Variants in KDM2B observed in about 807,000 individuals in gnomAD.
KDM2B encodes lysine demethylase 2B.
A neutral mutation model predicts 150.0 loss-of-function variants in KDM2B; 26 were observed. The ratio of observed to expected loss-of-function variants is 0.17; its 90% CI spans 0.13 to 0.24. The LOEUF (loss-of-function observed/expected upper bound fraction) is 0.24, where lower values mean the gene tolerates loss of function less well. KDM2B is among the 10% of genes least tolerant of loss of function. The probability of loss-of-function intolerance (pLI) is 1.00; values close to 1 mark genes in which losing one functional copy is unlikely to be tolerated. For synonymous variants in KDM2B, 734 were observed against 729.5 expected (o/e 1.01, Z -0.10); for missense variants, 1,265 against 1,816.9 (o/e 0.70, Z 5.52).
chr12:121,457,355 G>A (rs138770753), intron 12 of KDM2B, among the ~76,000 whole-genome samples: 138 of 152,000 alleles, frequency 9.1e-4, no homozygotes, highest in African/African-American at 2.8e-3. Context: ...TCTGGCTCCC[G>A]GGTTCAAGCA....
intron 12 of KDM2B, among the ~76,000 whole-genome samples, chr12:121,493,161 G>C (rs1224292769): frequency 2.2e-5 from 3 of 138,546 alleles, no homozygotes; most frequent in African/African-American, 8.3e-5. Context: ...TCCCCCCTCA[G>C]CTTCTGGAGT....
Position 121,513,505 on chromosome 12 carries a change from T to G in KDM2B, c.1048-103A>C. On this transcript the variant is annotated intron_variant, in intron 9 of 22. Coordinates refer to ENST00000377071, the MANE Select transcript of KDM2B (RefSeq NM_032590.5). This position sits in a 1 kb window ranked among gnomAD's most constrained non-coding sequence, Gnocchi z 5.0. ...GGCTCCCTGCAGGTGAGGGTCACTG[T>G]CATCATCTTAGCGAGAGCATGGATG... The G allele has an allele frequency of 7.5e-7, 1 of 1,326,744 alleles. No individual in the cohort carries two copies. Among genetic ancestry groups the G allele is most frequent in the Non-Finnish European group, 1.1e-6 (1 of 941,434 alleles). 82.2% of individuals were successfully genotyped at this position (1,326,744 alleles called of 1,614,324 possible). A position where few individuals can be genotyped will look rare whatever the true frequency, so the allele number is the denominator to read the frequency against.
intron 13 of KDM2B, among the ~76,000 whole-genome samples, chr12:121,451,629 G>A (rs1877302524): frequency 6.6e-6 from 1 of 152,096 alleles, no homozygotes; most frequent in South Asian, 2.1e-4. Flanking sequence ...AAGAAAAGTT[G>A]AGCCAGGCGT....
At chr12:121,435,591 G>T (rs782512289) in intron 22 of KDM2B, among the ~76,000 whole-genome samples, 95 of 152,254 alleles carry the variant, frequency 6.2e-4, no homozygotes, top group Admixed American at 1.0e-3. Context: ...GAAGACTGGG[G>T]TTTTAGTCTC....
chr12:121,421,176 G>A, the KDM2B span, among the ~76,000 whole-genome samples: 1 of 151,882 alleles, frequency 6.6e-6, no homozygotes, highest in Non-Finnish European at 1.5e-5. Context: ...TAGCCCAGAT[G>A]TTACATAGTT....
At chr12:121,554,872 C>T (rs916632921) in intron 4 of KDM2B, among the ~76,000 whole-genome samples, 58 of 152,170 alleles carry the variant, frequency 3.8e-4, no homozygotes, top group African/African-American at 1.4e-3. Flanking sequence ...GGGATTCATG[C>T]AGCACTCAAA....
intron 12 of KDM2B, chr12:121,494,285 T>A: frequency 1.5e-5 from 5 of 337,490 alleles, no homozygotes; most frequent in South Asian, 8.4e-5. Context: ...AGCAAGGGAG[T>A]GAGGGAAGGA....
At chr12:121,488,005 A>C (rs1593920621) in intron 12 of KDM2B, among the ~76,000 whole-genome samples, 1 of 151,000 alleles carries the variant, frequency 6.6e-6, no homozygotes, top group Admixed American at 6.6e-5. Context: ...CTAGTCTCGA[A>C]CTCCTGACCT....
intron 12 of KDM2B, among the ~76,000 whole-genome samples, chr12:121,454,117 C>T (rs921478860): frequency 1.5e-4 from 23 of 152,124 alleles, no homozygotes; most frequent in Middle Eastern, 3.4e-3. Context: ...CCCACCTGCA[C>T]TGGGTTCAGG....
intron 4 of KDM2B, among the ~76,000 whole-genome samples, chr12:121,552,231 T>C (rs531565774): frequency 6.6e-6 from 1 of 152,346 alleles, no homozygotes. Context: ...GAGGAGAAGC[T>C]GAGACTTGGA....
At chr12:121,507,828 T>A (rs904883573) in intron 11 of KDM2B, among the ~76,000 whole-genome samples, 50 of 151,824 alleles carry the variant, frequency 3.3e-4, no homozygotes, top group African/African-American at 1.2e-3. Context: ...CTGGGCAATG[T>A]GGTGAGACCC....
intron 6 of KDM2B, among the ~76,000 whole-genome samples, chr12:121,542,213 G>A (rs1199912357): frequency 6.6e-6 from 1 of 152,210 alleles, no homozygotes; most frequent in Non-Finnish European, 1.5e-5. Flanking sequence ...GCTATATGTG[G>A]CAAGGAACTG....
At chr12:121,444,416 CG>C (rs1384525662) in intron 15 of KDM2B, 33 bp downstream of exon 15, 5 of 1,612,866 alleles carry the variant, frequency 3.1e-6, no homozygotes, top group East Asian at 4.5e-5. Context: ...GCCCCTCTCC[CG>C]ACTGACCCTG....
intron 12 of KDM2B, among the ~76,000 whole-genome samples, chr12:121,478,252 A>G (rs1881611231): frequency 1.3e-5 from 2 of 151,650 alleles, no homozygotes; most frequent in Admixed American, 6.6e-5. Flanking sequence ...GTCGAAGGGG[A>G]CTGGTGTACA....
chr12:121,439,555 A>T (rs1000182350), intron 22 of KDM2B, among the ~76,000 whole-genome samples: 13 of 151,480 alleles, frequency 8.6e-5, no homozygotes, highest in Admixed American at 3.3e-4. Context: ...TAATTTTTGT[A>T]TTTTTTTGTA....
intron 12 of KDM2B, among the ~76,000 whole-genome samples, chr12:121,454,934 C>T (rs1877985251): frequency 6.6e-6 from 1 of 152,118 alleles, no homozygotes; most frequent in Non-Finnish European, 1.5e-5. Flanking sequence ...TAGGGGCTTC[C>T]TAGAAACTTC....
chr12:121,564,403 A>G (rs1252424032), intron 4 of KDM2B, among the ~76,000 whole-genome samples: 1 of 152,166 alleles, frequency 6.6e-6, no homozygotes, highest in Admixed American at 6.6e-5. Context: ...GCTTGCAGTG[A>G]GCCGAGATGG....
At chr12:121,456,633 G>A (rs1878281567) in intron 12 of KDM2B, among the ~76,000 whole-genome samples, 1 of 152,176 alleles carries the variant, frequency 6.6e-6, no homozygotes, top group Admixed American at 6.6e-5. Flanking sequence ...TAGCCACTGA[G>A]TGCCTCTGGC....
rs781901451 is a variant in KDM2B, at chr12:121,574,510, C to T, written c.397+37G>A. 9.3e-6 allele frequency: 15 copies of T among 1,606,496 alleles called. 1 individual carries two copies. The South Asian group carries it at 1.5e-4, about 17-fold the overall frequency. ...ACCGCCTCTTTCCCCTTCCCTACTT[C>T]AGCATGTCTGAGCCACACACACGGC... On this transcript the variant is annotated intron_variant, in intron 4 of 22. Coordinates refer to ENST00000377071, the MANE Select transcript of KDM2B (RefSeq NM_032590.5).
Sources: gnomAD v4.1 joint callset for allele counts (sites outside exome capture counted in the v4.1 genomes callset) on GRCh38, gnomAD v4.1.1 for gene constraint, Gnocchi (gnomAD v3.1) non-coding constraint, MANE v1.5 for transcripts, NCBI Gene and HGNC (gene_info 2026-07-23, HGNC 2026-07-21) for gene names.